The following FMN1 variants were observed in gnomAD, a reference collection of about 807,000 sequenced individuals.
FMN1 encodes the protein formin 1.
A neutral mutation model predicts 132.4 loss-of-function variants in FMN1; 110 were observed. That is an observed-to-expected ratio of 0.83 (90% CI 0.71 to 0.97). The LOEUF is 0.97. Ranked by LOEUF, FMN1 falls within the 50% of genes least tolerant of loss-of-function variation. The pLI is 0.00. For missense variants in FMN1, 1,792 were observed against 1,705.3 expected, an observed-to-expected ratio of 1.05 and a Z score of -0.90; for synonymous variants, 722 against 651.7, an observed-to-expected ratio of 1.11 and a Z score of -1.64.
In FMN1 at chr15:33,170,612, A is replaced by T. The variant is rs532910935; in HGVS notation, c.-132+9586T>A. On this transcript the variant is annotated intron_variant, in intron 3 of 20. Transcript: ENST00000616417. ...AAAGGACAAGAATATTTCTCAAAAG[A>T]CATACAAACGCCCAACAGGTATATG... 4.5e-4 allele frequency among the ~76,000 whole-genome samples: 69 copies of T among 152,224 alleles called. 1 individual carries two copies. Among genetic ancestry groups the T allele is most frequent in the Non-Finnish European group, 5.9e-5 (4 of 68,016 alleles).
At chr15:32,910,411 C>G in intron 11 of FMN1, 63 bp downstream of exon 11, 1 of 1,294,670 alleles carries the variant, frequency 7.7e-7, no homozygotes. Context: ...ATGAACAGCT[C>G]AGTCATTTCT....
intron 6 of FMN1, among the ~76,000 whole-genome samples, chr15:33,043,473 G>C (rs1338862092): frequency 6.6e-6 from 1 of 152,204 alleles, no homozygotes; most frequent in African/African-American, 2.4e-5. Context: ...TATAACTCTT[G>C]TTCCACCATG....
At chr15:33,006,882 G>A (rs2034446103) in intron 7 of FMN1, among the ~76,000 whole-genome samples, 1 of 152,100 alleles carries the variant, frequency 6.6e-6, no homozygotes, top group African/African-American at 2.4e-5. Context: ...CCAGGGGCTA[G>A]GGGCAGAGAG....
intron 6 of FMN1, among the ~76,000 whole-genome samples, chr15:33,046,417 G>C (rs1009388609): frequency 7.9e-5 from 12 of 152,186 alleles, no homozygotes; most frequent in African/African-American, 2.9e-4. Context: ...ATTTAGAAAT[G>C]ACAGGACCCA....
chr15:33,165,990 A>G (rs1965091507), intron 3 of FMN1, among the ~76,000 whole-genome samples: 1 of 152,240 alleles, frequency 6.6e-6, no homozygotes, highest in African/African-American at 2.4e-5. Flanking sequence ...TATTTTAATT[A>G]TCTCACATTA....
chr15:32,778,618 C>T (rs1472973429), intron 19 of FMN1, among the ~76,000 whole-genome samples: 1 of 151,994 alleles, frequency 6.6e-6, no homozygotes, highest in African/African-American at 2.4e-5. Flanking sequence ...ACTTCACATC[C>T]ACTAGGACGG....
chr15:32,810,011 C>G (rs751995460), intron 17 of FMN1, among the ~76,000 whole-genome samples: 1 of 152,124 alleles, frequency 6.6e-6, no homozygotes, highest in South Asian at 2.1e-4. Flanking sequence ...CCTCCATCTC[C>G]CGGGTTCAAG....
At chr15:32,776,087 A>T (rs1304351867) in intron 20 of FMN1, among the ~76,000 whole-genome samples, 1 of 152,234 alleles carries the variant, frequency 6.6e-6, no homozygotes, top group East Asian at 1.9e-4. Context: ...CCCAAAAAAA[A>T]AGTAGTATGT....
intron 7 of FMN1, among the ~76,000 whole-genome samples, chr15:32,996,946 C>G (rs1392796291): frequency 1.3e-5 from 2 of 152,166 alleles, no homozygotes; most frequent in Admixed American, 1.3e-4. Flanking sequence ...AGTTAAAGAA[C>G]AGCTGAGCCC....
chr15:33,109,547 G>A (rs1246240675), intron 4 of FMN1, among the ~76,000 whole-genome samples: 1 of 152,082 alleles, frequency 6.6e-6, no homozygotes, highest in Non-Finnish European at 1.5e-5. Context: ...TGGGAACATG[G>A]ATGGAGCTGG....
At chr15:33,095,146 G>T (rs908187759) in intron 4 of FMN1, among the ~76,000 whole-genome samples, 1 of 152,090 alleles carries the variant, frequency 6.6e-6, no homozygotes, top group South Asian at 2.1e-4. Flanking sequence ...TCAGGAGTTT[G>T]AGACCAGCCT....
At chr15:33,113,461 G>C (rs1431546863) in intron 4 of FMN1, among the ~76,000 whole-genome samples, 1 of 151,952 alleles carries the variant, frequency 6.6e-6, no homozygotes, top group Non-Finnish European at 1.5e-5. Flanking sequence ...ATGTAACATA[G>C]ATGTGAACAT....
intron 9 of FMN1, among the ~76,000 whole-genome samples, chr15:32,954,657 A>C (rs1007767130): frequency 2.0e-5 from 3 of 152,250 alleles, no homozygotes; most frequent in Non-Finnish European, 4.4e-5. Flanking sequence ...TGGCCAAGTG[A>C]ATTTAAAGTC....
intron 17 of FMN1, among the ~76,000 whole-genome samples, chr15:32,834,415 C>G (rs1007124202): frequency 6.6e-6 from 1 of 152,170 alleles, no homozygotes; most frequent in Non-Finnish European, 1.5e-5. Flanking sequence ...TGTTTCCACC[C>G]TACGTTAGCT....
chr15:32,840,848 TA>T (rs1232836167), intron 17 of FMN1, among the ~76,000 whole-genome samples: 3 of 152,216 alleles, frequency 2.0e-5, no homozygotes, highest in African/African-American at 7.2e-5. Flanking sequence ...ACACACTGTT[TA>T]AATTCTAAAC....
chr15:32,789,651 T>C (rs1050454826), intron 19 of FMN1, among the ~76,000 whole-genome samples: 1 of 152,182 alleles, frequency 6.6e-6, no homozygotes, highest in Non-Finnish European at 1.5e-5. Context: ...TTATAACATC[T>C]ACAGAAGGGT....
At chr15:32,809,657 T>C (rs2057805151) in intron 17 of FMN1, among the ~76,000 whole-genome samples, 2 of 152,134 alleles carry the variant, frequency 1.3e-5, no homozygotes, top group African/African-American at 4.8e-5. Flanking sequence ...ATGTCTTCTC[T>C]TTCTTTGAAA....
Position 32,832,780 on chromosome 15 carries a change from G to A in FMN1, c.3928+24235C>T, listed in dbSNP as rs544466838. ...AGAAGGAAGAGCTTTTTGAGATGGAGACTCAGGTAGTGCTTGGAATTGCTG... is the reference window on the plus strand; with the variant it reads ...AGAAGGAAGAGCTTTTTGAGATGGAAACTCAGGTAGTGCTTGGAATTGCTG... On this transcript the variant is annotated intron_variant, in intron 17 of 20. Coordinates refer to ENST00000616417, the MANE Select transcript of FMN1 (RefSeq NM_001277313.2). 2.1e-3 allele frequency among the ~76,000 whole-genome samples: 317 copies of A among 152,182 alleles called. 2 individuals carry two copies. The highest frequency in any genetic ancestry group is 7.4e-3 in the African/African-American group (309 of 41,526).
intron 17 of FMN1, among the ~76,000 whole-genome samples, chr15:32,856,728 T>G (rs1229973283): frequency 6.6e-6 from 1 of 152,240 alleles, no homozygotes; most frequent in Non-Finnish European, 1.5e-5. Context: ...AAGGAATTCC[T>G]TGAGCCCCAT....
Sources: allele counts gnomAD v4.1 joint callset (sites outside exome capture counted in the v4.1 genomes callset), GRCh38; gene constraint gnomAD v4.1.1; transcripts MANE v1.5; gene names NCBI Gene and HGNC (gene_info 2026-07-23, HGNC 2026-07-21).